KNTC1: variants seen among roughly 807,000 people sequenced by gnomAD.
KNTC1 encodes kinetochore-associated protein 1.
In KNTC1, 253 loss-of-function variants were observed where a neutral mutation model predicts 314.4. That is an observed-to-expected ratio of 0.80 (90% CI 0.73 to 0.89). The LOEUF (loss-of-function observed/expected upper bound fraction) is 0.89, where lower values mean the gene tolerates loss of function less well. Ranked by LOEUF, KNTC1 falls within the 40% of genes least tolerant of loss-of-function variation. The pLI is 0.00. For synonymous variants in KNTC1, 901 were observed against 901.4 expected (o/e 1.00, Z 0.01); for missense variants, 2,475 against 2,572.9 (o/e 0.96, Z 0.82).
In KNTC1 at chr12:122,530,262, A is replaced by G. The variant is rs1961206403; in HGVS notation, c.129+70A>G. On this transcript the variant is annotated intron_variant, in intron 2 of 63. Coordinates refer to ENST00000333479, the MANE Select transcript of KNTC1 (RefSeq NM_014708.6). ...GAGTGCTTAGTAGGGCTAGTGGCCC[A>G]CAGTAAATATTTTGTGAATGAACAT... 17 of 1,360,620 alleles carry G rather than the reference A, an allele frequency of 1.2e-5. 1 individual carries two copies. The highest frequency in any genetic ancestry group is 1.5e-5 in the Non-Finnish European group (15 of 980,466). The allele number at this position is 1,360,620 out of a possible 1,614,324, so 84.3% of individuals were successfully genotyped here.
Position 122,624,692 on chromosome 12 carries a change from A to G in KNTC1, c.6606+4A>G, listed in dbSNP as rs1157378308. On this transcript the variant is annotated splice_donor_region_variant and intron_variant, in intron 63 of 63. Transcript: ENST00000333479. ...TGCTCCCTGTGAAATTCTGAAGGTAAAGCTGATGGAAAGTTCTTAGGTTCT... is the reference window on the plus strand; with the variant it reads ...TGCTCCCTGTGAAATTCTGAAGGTAGAGCTGATGGAAAGTTCTTAGGTTCT... 1 of 1,606,922 alleles carries G rather than the reference A, an allele frequency of 6.2e-7. No individual in the cohort carries two copies. The highest frequency in any genetic ancestry group is 2.2e-5 in the East Asian group (1 of 44,842).
intron 55 of KNTC1, among the ~76,000 whole-genome samples, chr12:122,614,695 A>G (rs1873576785): frequency 6.6e-6 from 1 of 151,964 alleles, no homozygotes; most frequent in Non-Finnish European, 1.5e-5. Context: ...AGCCTGCCCG[A>G]CATGGTGAAA....
At chr12:122,617,528 T>C (rs1268624182) in intron 57 of KNTC1, 2 of 245,736 alleles carry the variant, frequency 8.1e-6, no homozygotes, top group African/African-American at 4.6e-5. Context: ...CTGGCCAGTG[T>C]TCTTTCCTTA....
chr12:122,580,986 C>T (rs1350091518), intron 33 of KNTC1, among the ~76,000 whole-genome samples: 1 of 149,582 alleles, frequency 6.7e-6, no homozygotes, highest in Non-Finnish European at 1.5e-5. Flanking sequence ...TGAGATAGCA[C>T]CACTGGACTC....
intron 56 of KNTC1, 115 bp downstream of exon 56, chr12:122,615,201 A>T: frequency 1.2e-6 from 1 of 829,624 alleles, no homozygotes; most frequent in Non-Finnish European, 1.9e-6. Flanking sequence ...AAACACAGTC[A>T]CTCTCACTGA....
At chr12:122,568,777 A>C (rs1310437988) in intron 21 of KNTC1, among the ~76,000 whole-genome samples, 1 of 152,098 alleles carries the variant, frequency 6.6e-6, no homozygotes, top group Non-Finnish European at 1.5e-5. Flanking sequence ...TGGAGGTTGC[A>C]GTGAGCCGAG....
chr12:122,531,666 T>G (rs539331577), intron 2 of KNTC1, among the ~76,000 whole-genome samples: 1 of 152,346 alleles, frequency 6.6e-6, no homozygotes, highest in East Asian at 1.9e-4. Context: ...TTTTTTAAAT[T>G]TTTTGAATCC....
intron 57 of KNTC1, among the ~76,000 whole-genome samples, chr12:122,616,642 A>G (rs1470035741): frequency 1.3e-5 from 2 of 152,236 alleles, no homozygotes; most frequent in African/African-American, 4.8e-5. Flanking sequence ...ACATAAATGC[A>G]ATCACATTCT....
chr12:122,534,541 T>TAAAGAAAAAAAGCCTGTCAAGTTTTA lies in KNTC1; in HGVS notation c.130-120_130-95dup, dbSNP rs1377477607. The TAAAGAAAAAAAGCCTGTCAAGTTTTA allele has an allele frequency of 2.3e-5, 20 of 862,658 alleles. No homozygotes were observed. The Middle Eastern group carries it at 9.7e-4, about 42-fold the overall frequency. 53.4% of individuals were successfully genotyped at this position (862,658 alleles called of 1,614,324 possible). A position where few individuals can be genotyped will look rare whatever the true frequency, so the allele number is the denominator to read the frequency against. ...TCGATGATTAATTAGATAGAGGGGCTAAAGAAAAAAAGCCTGTCAAGTTTT... is the reference window on the plus strand; with the variant it reads ...TCGATGATTAATTAGATAGAGGGGCTAAAGAAAAAAAGCCTGTCAAGTTTTAAAAGAAAAAAAGCCTGTCAAGTTTT... On this transcript the variant is annotated intron_variant, in intron 2 of 63. Transcript: ENST00000333479.
chr12:122,579,823 G>T, intron 31 of KNTC1, 82 bp from the exon 32 acceptor site: 1 of 912,200 alleles, frequency 1.1e-6, no homozygotes. Context: ...TGCTTCTGTG[G>T]TTTTTGTGTA....
At chr12:122,543,143 C>T (rs757371384) in intron 6 of KNTC1, among the ~76,000 whole-genome samples, 9 of 152,154 alleles carry the variant, frequency 5.9e-5, no homozygotes, top group Non-Finnish European at 8.8e-5. Flanking sequence ...GAACTCCTCA[C>T]GTCAAGTGAT....
chr12:122,616,828 C>G (rs1246444981), intron 57 of KNTC1, among the ~76,000 whole-genome samples: 1 of 152,166 alleles, frequency 6.6e-6, no homozygotes, highest in Non-Finnish European at 1.5e-5. Flanking sequence ...TCACCATTAT[C>G]TAATTCCAGA....
At chr12:122,561,799 T>C in intron 18 of KNTC1, 122 bp from the exon 19 acceptor site, 1 of 710,794 alleles carries the variant, frequency 1.4e-6, no homozygotes, top group East Asian at 2.8e-5. Context: ...TAGTTTACTA[T>C]TCATTTCACA....
chr12:122,592,120 GGCCGGCCGGCCCT>G (rs1259343372), intron 42 of KNTC1, among the ~76,000 whole-genome samples: 1 of 152,318 alleles, frequency 6.6e-6, no homozygotes, highest in East Asian at 1.9e-4. Context: ...CACTCGGAGC[GGCCGGCCGGCCCT>G]GCCGGCCCCG....
At position 122,618,538 on chromosome 12, in the gene KNTC1, G is replaced by C; in HGVS notation, c.6142G>C (p.Val2048Leu). The change falls in exon 59 of 64, where the codon GTC (valine) becomes CTC (leucine). Residue 2048 changes from valine to leucine, a missense_variant. By Grantham distance (32) the Val-to-Leu change is conservative. Transcript: ENST00000333479. ...AGATTGTTCTGAGAGTCTCATCGCTGTCCTCGAGTAAGCAAAATATTTGTT... is the reference window on the plus strand; with the variant it reads ...AGATTGTTCTGAGAGTCTCATCGCTCTCCTCGAGTAAGCAAAATATTTGTT... Reference protein sequence around the residue: ...LSDCSESLIAVLECPVSGDLD... With the variant: ...LSDCSESLIALLECPVSGDLD... The C allele has an allele frequency of 6.2e-7, 1 of 1,608,542 alleles. No individual in the cohort carries two copies. The highest frequency in any genetic ancestry group is 8.5e-7 in the Non-Finnish European group (1 of 1,178,874).
Position 122,604,545 on chromosome 12 carries a change from AT to A in KNTC1, c.5102-16del. ...TTTGCCTGTAAATCTTTATTTATTT[AT>A]TTATTTATTTATTTTAGGTTCCTTC... On this transcript the variant is annotated intron_variant, in intron 48 of 63. Transcript: ENST00000333479. The A allele has an allele frequency of 1.7e-6, 2 of 1,182,864 alleles. No homozygotes were observed. Among genetic ancestry groups the A allele is most frequent in the Non-Finnish European group, 2.4e-6 (2 of 821,798 alleles). 73.3% of individuals were successfully genotyped at this position (1,182,864 alleles called of 1,614,324 possible).
intron 3 of KNTC1, among the ~76,000 whole-genome samples, chr12:122,535,148 C>G (rs1961683829): frequency 6.6e-6 from 1 of 152,184 alleles, no homozygotes; most frequent in South Asian, 2.1e-4. Context: ...GAATTAATAG[C>G]TCTCTAAAAA....
At chr12:122,550,646 G>T (rs1963134042) in intron 13 of KNTC1, among the ~76,000 whole-genome samples, 1 of 152,050 alleles carries the variant, frequency 6.6e-6, no homozygotes. Flanking sequence ...GGGACTACAG[G>T]TGTGCACCAC....
intron 32 of KNTC1, among the ~76,000 whole-genome samples, chr12:122,580,397 A>C (rs1477569164): frequency 1.3e-5 from 2 of 152,184 alleles, no homozygotes; most frequent in African/African-American, 4.8e-5. Context: ...GTAACACATA[A>C]ACTTCTGTTT....
Sources: allele counts gnomAD v4.1 joint callset (sites outside exome capture counted in the v4.1 genomes callset), GRCh38; gene constraint gnomAD v4.1.1; transcripts MANE v1.5; gene names NCBI Gene and HGNC (gene_info 2026-07-23, HGNC 2026-07-21).